The following TNS1 variants were observed in gnomAD, a reference collection of about 807,000 sequenced individuals.
The protein encoded by TNS1 is tensin-1.
A neutral mutation model predicts 168.6 loss-of-function variants in TNS1; 62 were observed. The observed-to-expected ratio is 0.37, with a 90% confidence interval of 0.30 to 0.45. The LOEUF (loss-of-function observed/expected upper bound fraction) is 0.45, where lower values mean the gene tolerates loss of function less well. Among genes scored for constraint, TNS1 ranks in the 20% least tolerant of loss-of-function variants. TNS1 has a pLI of 1.00. For missense variants in TNS1, 2,240 were observed against 2,339.4 expected (o/e 0.96, Z 0.88); for synonymous variants, 934 against 933.2 (o/e 1.00, Z -0.02).
intron 10 of TNS1, 138 bp from the exon 11 acceptor site, chr2:217,893,150 G>A: frequency 9.0e-7 from 1 of 1,106,088 alleles, no homozygotes; most frequent in Non-Finnish European, 1.3e-6. Context: ...AAGGAGGAAG[G>A]GGGCCTCAGG....
intron 28 of TNS1, among the ~76,000 whole-genome samples, chr2:217,810,884 T>TTC (rs1385864794): frequency 1.3e-5 from 2 of 151,890 alleles, no homozygotes; most frequent in Non-Finnish European, 2.9e-5. Flanking sequence ...ACATAATTTT[T>TTC]TTTTTTTTTT....
intron 3 of TNS1, among the ~76,000 whole-genome samples, chr2:217,975,743 C>T (rs140803352): frequency 2.2e-3 from 328 of 152,320 alleles, no homozygotes; most frequent in African/African-American, 7.3e-3. Context: ...ACCCAAAATC[C>T]GATGGCTCAG....
chr2:217,978,646 AGAG>A, intron 3 of TNS1, 116 bp downstream of exon 3: 2 of 586,754 alleles, frequency 3.4e-6, no homozygotes, highest in South Asian at 3.8e-5. Flanking sequence ...ATAAACAAAG[AGAG>A]GAGGAGGGAC....
At chr2:218,023,775 A>T (rs780484501) in intron 1 of TNS1, among the ~76,000 whole-genome samples, 1 of 152,174 alleles carries the variant, frequency 6.6e-6, no homozygotes, top group Non-Finnish European at 1.5e-5. Flanking sequence ...GGTCAGGTCC[A>T]TGCTTTTCCC....
At chr2:217,805,188 GGACTGGAGT>G (rs1938271354) in intron 32 of TNS1, among the ~76,000 whole-genome samples, 1 of 148,142 alleles carries the variant, frequency 6.8e-6, no homozygotes, top group Non-Finnish European at 1.5e-5. Flanking sequence ...CCCACCCGCA[GGACTGGAGT>G]GACCCAGCAT....
Position 217,955,446 on chromosome 2 carries a change from G to A in TNS1, c.186+23319C>T, listed in dbSNP as rs139547808. 2.6e-3 allele frequency among the ~76,000 whole-genome samples: 390 copies of A among 151,952 alleles called. 1 individual carries two copies. The highest frequency in any genetic ancestry group is 9.0e-3 in the African/African-American group (375 of 41,460). ...CGAGCCTTCCTCCCGCACAGTGCCC[G>A]TCCACCACCAGTCCCTCCAAGCTTA... is the stretch of plus-strand genomic sequence containing the variant. On this transcript the variant is annotated intron_variant, in intron 3 of 32. Transcript: ENST00000682258.
intron 21 of TNS1, among the ~76,000 whole-genome samples, chr2:217,832,280 G>A (rs376588475): frequency 3.4e-4 from 51 of 152,234 alleles, no homozygotes; most frequent in East Asian, 1.2e-3. Context: ...CTCCCAGGCC[G>A]CCCATCTGGG....
At chr2:217,923,663 G>A (rs1251571179) in intron 3 of TNS1, among the ~76,000 whole-genome samples, 1 of 152,194 alleles carries the variant, frequency 6.6e-6, no homozygotes, top group Admixed American at 6.5e-5. Flanking sequence ...TCTACACTCA[G>A]CCCTTTGCTC....
chr2:217,830,456 C>T, intron 22 of TNS1: 2 of 1,584,236 alleles, frequency 1.3e-6, no homozygotes, highest in East Asian at 2.3e-5. Flanking sequence ...GTCCAGGGAG[C>T]AGCTTTCTGA....
chr2:218,011,693 C>A (rs1010951575), upstream of TNS1, among the ~76,000 whole-genome samples: 1 of 146,330 alleles, frequency 6.8e-6, no homozygotes, highest in East Asian at 1.9e-4. Context: ...CCTCCGCCTG[C>A]CCCCCGCGAC....
At chr2:217,911,217 C>T (rs1559344958) in intron 4 of TNS1, among the ~76,000 whole-genome samples, 2 of 152,194 alleles carry the variant, frequency 1.3e-5, no homozygotes, top group East Asian at 1.9e-4. Context: ...TCCCCCCTTA[C>T]CTCCCAGGAG....
At chr2:217,869,480 T>G (rs989061178) in intron 18 of TNS1, among the ~76,000 whole-genome samples, 1 of 152,106 alleles carries the variant, frequency 6.6e-6, no homozygotes, top group Admixed American at 6.5e-5. Context: ...GGCTGGAGCC[T>G]GAAGGCAAGA....
chr2:217,808,520 C>CAT, intron 31 of TNS1, 83 bp downstream of exon 31: 1 of 1,305,002 alleles, frequency 7.7e-7, no homozygotes, highest in Non-Finnish European at 1.1e-6. Context: ...CACACACACA[C>CAT]ACACACATGC....
At chr2:217,849,126 A>C in intron 18 of TNS1, 39 bp from the exon 19 acceptor site, 1 of 1,578,832 alleles carries the variant, frequency 6.3e-7, no homozygotes, top group Non-Finnish European at 8.6e-7. Context: ...AACAGACAAC[A>C]GACATTAGCG....
intron 18 of TNS1, among the ~76,000 whole-genome samples, chr2:217,853,299 T>C (rs551640759): frequency 1.1e-3 from 164 of 152,180 alleles, no homozygotes; most frequent in African/African-American, 3.7e-3. Flanking sequence ...CAGCTCTTAA[T>C]CTGAGGGGTC....
chr2:218,005,641 C>T (rs745525084), upstream of TNS1, among the ~76,000 whole-genome samples: 3 of 152,216 alleles, frequency 2.0e-5, no homozygotes, highest in African/African-American at 7.2e-5. Flanking sequence ...CGGGCAAGGA[C>T]GTGTCCTGTG....
At chr2:217,868,831 T>C (rs1949515367) in intron 18 of TNS1, among the ~76,000 whole-genome samples, 1 of 152,180 alleles carries the variant, frequency 6.6e-6, no homozygotes, top group Non-Finnish European at 1.5e-5. Context: ...CTAAAGACTA[T>C]CACCTCCCAA....
chr2:217,984,936 C>G (rs1456022665), intron 2 of TNS1, among the ~76,000 whole-genome samples: 1 of 151,682 alleles, frequency 6.6e-6, no homozygotes, highest in Non-Finnish European at 1.5e-5. Flanking sequence ...TTTTGTATCT[C>G]TAAGTAGAGA....
rs149429283 is a variant in TNS1 at position 217,897,870 on chromosome 2, A to C, written c.471T>G (p.Asn157Lys). 1.1e-4 allele frequency: 175 copies of C among 1,613,410 alleles called. No individual in the cohort carries two copies. The Middle Eastern group carries it at 1.2e-3, about 11-fold the overall frequency. The part of the protein sequence containing the change: ...IIAVSFPSTA[N>K]EENFRSNLRE... Reference sequence around the variant, plus strand: ...GGAGGTTGCTCCGGAAGTTCTCCTCATTGGCTGTGCTGGGGAAGGAGACAG... The same window carrying C: ...GGAGGTTGCTCCGGAAGTTCTCCTCCTTGGCTGTGCTGGGGAAGGAGACAG... The change falls in exon 8 of 33, where the codon AAT becomes AAG. Residue 157 changes from asparagine to lysine, a missense_variant. Physicochemically the swap from Asn to Lys is moderately conservative, Grantham distance 94. Coordinates refer to ENST00000682258, the MANE Select transcript of TNS1 (RefSeq NM_001387777.1).
Sources: gnomAD v4.1 joint callset for allele counts (sites outside exome capture counted in the v4.1 genomes callset) on GRCh38, gnomAD v4.1.1 for gene constraint, MANE v1.5 for transcripts, NCBI Gene and HGNC (gene_info 2026-07-23, HGNC 2026-07-21) for gene names.